The following DDX52 variants were observed in gnomAD, a reference collection of about 807,000 sequenced individuals.
DDX52 encodes the protein DExD-box helicase 52, also known as probable ATP-dependent RNA helicase DDX52.
DDX52 carries 59 observed loss-of-function variants against 76.1 expected under a neutral mutation model. That is an observed-to-expected ratio of 0.78 (90% CI 0.63 to 0.96). DDX52 has a LOEUF of 0.96. DDX52 is among the 40% of genes least tolerant of loss of function. DDX52 has a pLI of 0.00. For missense variants in DDX52, 707 were observed against 703.9 expected, an observed-to-expected ratio of 1.00 and a Z score of -0.05; for synonymous variants, 231 against 244.1, an observed-to-expected ratio of 0.95 and a Z score of 0.50.
chr17:37,614,305 G>A lies in DDX52; in HGVS notation c.1791C>T (p.Asp597=), dbSNP rs755592137. ...QNSKKKVALE[D]KS Reference sequence around the variant, plus strand: ...TTTTTAAAGTCTGTTTTTAACTTTTGTCTTCAAGAGCTACTTTCTTCTTGC... The same window carrying A: ...TTTTTAAAGTCTGTTTTTAACTTTTATCTTCAAGAGCTACTTTCTTCTTGC... The change falls in exon 15 of 15, where the codon GAC becomes GAT. Residue 597 remains aspartate, a synonymous_variant. Transcript: ENST00000617633. 1.9e-5 allele frequency: 30 copies of A among 1,612,442 alleles called. No homozygotes were observed. The highest frequency in any genetic ancestry group is 2.4e-5 in the Non-Finnish European group (28 of 1,179,572).
At chr17:37,625,047 C>T (rs1169047691) in intron 8 of DDX52, among the ~76,000 whole-genome samples, 1 of 151,930 alleles carries the variant, frequency 6.6e-6, no homozygotes, top group African/African-American at 2.4e-5. Flanking sequence ...ACTCTGTCAC[C>T]CAGGCTGGAG....
chr17:37,643,182 C>T (rs1163503427), intron 1 of DDX52, 152 bp downstream of exon 1: 7 of 697,686 alleles, frequency 1.0e-5, no homozygotes, highest in Non-Finnish European at 1.4e-5. Flanking sequence ...GCCGTGCAGG[C>T]AAGCCGAACA....
intron 14 of DDX52, 130 bp from the exon 15 acceptor site, chr17:37,614,483 CA>C: frequency 1.2e-6 from 1 of 826,576 alleles, no homozygotes; most frequent in Non-Finnish European, 1.9e-6. Context: ...ACTAGGAACA[CA>C]AAGATGCATT....
rs1405091824 is a variant in DDX52 at position 37,611,064 on chromosome 17, G to C, written c.*3232C>G. 6.6e-6 allele frequency: 1 copy of C among 152,194 alleles called. No homozygotes were observed. The highest frequency in any genetic ancestry group is 1.5e-5 in the Non-Finnish European group (1 of 68,040). The allele number at this position is 152,194 out of a possible 1,614,324, so 9.4% of individuals were successfully genotyped here. ...TTTTGTTCCTCTTCTTTGCCTATTG[G>C]TTTTTACATTTGCAGGATTCAACTC... On this transcript the variant is annotated 3_prime_UTR_variant, in exon 15 of 15. Coordinates refer to ENST00000617633, the MANE Select transcript of DDX52 (RefSeq NM_007010.5).
chr17:37,639,254 T>C (rs1028046495), intron 2 of DDX52, among the ~76,000 whole-genome samples: 10 of 152,116 alleles, frequency 6.6e-5, no homozygotes, highest in Admixed American at 3.9e-4. Context: ...AAGGGAACAA[T>C]GTAATACAAT....
chr17:37,630,300 G>A (rs1417232620), intron 4 of DDX52, 127 bp from the exon 5 acceptor site: 19 of 1,051,650 alleles, frequency 1.8e-5, no homozygotes, highest in Non-Finnish European at 2.4e-5. Flanking sequence ...AATCTTTCAA[G>A]TCATATCTGC....
At chr17:37,630,194 A>G (rs779221029) in intron 4 of DDX52, 21 bp from the exon 5 acceptor site, 1 of 1,571,148 alleles carries the variant, frequency 6.4e-7, no homozygotes. Context: ...AGGGTATATT[A>G]AATACTACAA....
chr17:37,622,999 G>A (rs901740184), intron 9 of DDX52, among the ~76,000 whole-genome samples: 1 of 152,156 alleles, frequency 6.6e-6, no homozygotes, highest in African/African-American at 2.4e-5. Flanking sequence ...TATAGTGGTG[G>A]AGCTAGAACT....
intron 2 of DDX52, among the ~76,000 whole-genome samples, chr17:37,639,773 C>T (rs1235358083): frequency 6.6e-6 from 1 of 151,768 alleles, no homozygotes; most frequent in Non-Finnish European, 1.5e-5. Flanking sequence ...CATGCCTACA[C>T]ATTTATCATA....
chr17:37,614,368 G>C lies in DDX52; in HGVS notation c.1743-15C>G, dbSNP rs774300572. ...TGACCTTTTTCCTGTAAAGAGCAAA[G>C]TAAGAAAAATTGAATAAAAAATTCT... On this transcript the variant is annotated splice_polypyrimidine_tract_variant and intron_variant, in intron 14 of 14. Coordinates refer to ENST00000617633, the MANE Select transcript of DDX52 (RefSeq NM_007010.5). 20 of 1,603,664 alleles carry C rather than the reference G, an allele frequency of 1.2e-5. No homozygotes were observed. Among genetic ancestry groups the C allele is most frequent in the Non-Finnish European group, 1.7e-5 (20 of 1,177,114 alleles).
In DDX52 at chr17:37,628,590, T is replaced by C. The variant is rs754473971; in HGVS notation, c.830A>G (p.Lys277Arg). ...CTTTTTAGATGATTTAGGTCCAAAT[T>C]TCTTGGCTGCCACTGCTGCTTTGTG... ...MIHKAAVAAK[K>R]FGPKSSKKFD... Residue 277 changes from lysine (K) to arginine (R), a missense_variant, in exon 6 of 15, where the codon AAA becomes AGA. By Grantham distance (26) the Lys-to-Arg change is conservative. Transcript: ENST00000617633. 2 of 1,613,130 alleles carry C rather than the reference T, an allele frequency of 1.2e-6. No homozygotes were observed. Among genetic ancestry groups the C allele is most frequent in the Admixed American group, 3.3e-5 (2 of 59,906 alleles).
At chr17:37,615,291 T>TG (rs2064411651) in intron 14 of DDX52, among the ~76,000 whole-genome samples, 1 of 152,132 alleles carries the variant, frequency 6.6e-6, no homozygotes, top group Non-Finnish European at 1.5e-5. Flanking sequence ...ATGAAGAAAA[T>TG]GGAGACACAA....
intron 4 of DDX52, chr17:37,631,239 C>T (rs1441996904): frequency 1.3e-5 from 2 of 152,218 alleles, no homozygotes; most frequent in South Asian, 2.1e-4. Context: ...ATCCATACCT[C>T]TATCAACAAG....
intron 14 of DDX52, among the ~76,000 whole-genome samples, chr17:37,618,071 C>T (rs1048213345): frequency 7.2e-5 from 11 of 152,220 alleles, no homozygotes; most frequent in Admixed American, 5.2e-4. Context: ...GCTGAGATCA[C>T]GCCACTGCAC....
At chr17:37,635,276 T>G (rs1169848134) in intron 2 of DDX52, among the ~76,000 whole-genome samples, 2 of 152,180 alleles carry the variant, frequency 1.3e-5, no homozygotes, top group Non-Finnish European at 2.9e-5. Flanking sequence ...GTATCTAATT[T>G]GCTGAGTTTT....
At chr17:37,623,143 C>T (rs1317349528) in intron 9 of DDX52, among the ~76,000 whole-genome samples, 1 of 152,210 alleles carries the variant, frequency 6.6e-6, no homozygotes, top group African/African-American at 2.4e-5. Context: ...GGCTGCTGCC[C>T]TTATTTCTTC....
Position 37,632,216 on chromosome 17 carries a change from T to A in DDX52, c.500A>T (p.Asp167Val). The A allele has an allele frequency of 6.2e-7, 1 of 1,614,026 alleles. No homozygotes were observed. Among genetic ancestry groups the A allele is most frequent in the African/African-American group, 1.3e-5 (1 of 74,990 alleles). ...TCGAGAATTGATTTTATATTCCTGG[T>A]CAAGTTGCTGAAATGTAGCAATTGG... is the stretch of plus-strand genomic sequence containing the variant. The part of the protein sequence containing the change: ...PDPIATFQQL[D>V]QEYKINSRLL... The change falls in exon 4 of 15, where the codon GAC becomes GTC. Residue 167 changes from aspartate (D) to valine (V), a missense_variant. By Grantham distance (152) the Asp-to-Val change is radical. Coordinates refer to ENST00000617633, the MANE Select transcript of DDX52 (RefSeq NM_007010.5).
At position 37,624,449 on chromosome 17, in the gene DDX52, T is replaced by A; in HGVS notation, c.1137-15A>T. 6.4e-7 allele frequency: 1 copy of A among 1,564,354 alleles called. No homozygotes were observed. The highest frequency in any genetic ancestry group is 8.7e-7 in the Non-Finnish European group (1 of 1,150,600). Reference sequence around the variant, plus strand: ...CTGCAGAATTCCTGGGAAGAAAATATACCTTGTAGTTTGTAAGAGTTAATT... The same window carrying A: ...CTGCAGAATTCCTGGGAAGAAAATAAACCTTGTAGTTTGTAAGAGTTAATT... On this transcript the variant is annotated splice_polypyrimidine_tract_variant and intron_variant, in intron 8 of 14. Transcript: ENST00000617633.
intron 1 of DDX52, 46 bp from the exon 2 acceptor site, chr17:37,642,354 T>A (rs757703347): frequency 6.4e-7 from 1 of 1,563,610 alleles, no homozygotes; most frequent in Non-Finnish European, 8.7e-7. Flanking sequence ...CAGAATACCA[T>A]TGCTTTCATT....
Sources: gnomAD v4.1 joint callset for allele counts (sites outside exome capture counted in the v4.1 genomes callset) on GRCh38, gnomAD v4.1.1 for gene constraint, MANE v1.5 for transcripts, NCBI Gene and HGNC (gene_info 2026-07-23, HGNC 2026-07-21) for gene names.